Variants in RBM25 observed in about 807,000 individuals in gnomAD.
RBM25 encodes RNA binding motif protein 25.
Under a neutral mutation model 120.7 loss-of-function variants are expected in RBM25, and 19 were observed. The ratio of observed to expected loss-of-function variants is 0.16; its 90% CI spans 0.11 to 0.23. RBM25 has a LOEUF of 0.23. Among genes scored for constraint, RBM25 ranks in the 10% least tolerant of loss-of-function variants. The pLI is 1.00. For synonymous variants in RBM25, 390 were observed against 326.7 expected (o/e 1.19, Z -2.09); for missense variants, 605 against 1,041.5 (o/e 0.58, Z 5.77).
At chr14:73,093,966 T>TC (rs58606282) in intron 6 of RBM25, among the ~76,000 whole-genome samples, 3 of 148,094 alleles carry the variant, frequency 2.0e-5, no homozygotes, top group Admixed American at 2.0e-4. Flanking sequence ...TTTTTTTTTT[T>TC]CTTGAGACAG....
At chr14:73,116,177 G>C (rs886154012) in intron 18 of RBM25, among the ~76,000 whole-genome samples, 1 of 152,142 alleles carries the variant, frequency 6.6e-6, no homozygotes. Flanking sequence ...GGGGCTCTAG[G>C]AGATAGAGGA....
Position 73,076,357 on chromosome 14 carries a change from C to T in RBM25, c.145C>T (p.Pro49Ser), listed in dbSNP as rs1366028439. Residue 49 changes from proline to serine, a missense_variant, in exon 3 of 19, where the codon CCT becomes TCT. Transcript: ENST00000261973. Reference protein sequence around the residue: ...MIPVPMSIMAPAPTVLVPTVS... With the variant: ...MIPVPMSIMASAPTVLVPTVS... The stretch of plus-strand genomic sequence containing the variant: ...TCCTGTACCAATGAGCATTATGGCT[C>T]CTGCTCCAACTGTAAGTATAACTTA... 1.9e-6 allele frequency: 3 copies of T among 1,611,740 alleles called. No individual in the cohort carries two copies. Among genetic ancestry groups the T allele is most frequent in the South Asian group, 1.1e-5 (1 of 91,032 alleles).
chr14:73,064,457 C>T (rs552011751), intron 1 of RBM25, among the ~76,000 whole-genome samples: 10 of 151,378 alleles, frequency 6.6e-5, no homozygotes, highest in South Asian at 6.2e-4. Flanking sequence ...TGCAGTGGCG[C>T]GGTCCCAGCT....
chr14:73,074,027 T>C (rs897303158), intron 2 of RBM25, among the ~76,000 whole-genome samples: 15 of 152,366 alleles, frequency 9.8e-5, no homozygotes, highest in South Asian at 8.3e-4. Context: ...AAGGAAATTC[T>C]ATTGAGAAAA....
rs761714715 is a variant in RBM25, at chr14:73,111,113, C to G, written c.1975C>G (p.Pro659Ala). 4 of 1,613,990 alleles carry G rather than the reference C, an allele frequency of 2.5e-6. No homozygotes were observed. In the Admixed American group the frequency reaches 6.7e-5, roughly 27 times the overall value. Residue 659 changes from proline (P) to alanine (A), a missense_variant, in exon 15 of 19, where the codon CCT (proline) becomes GCT (alanine). This residue lies in a region of RBM25 where 465 missense variants were observed against 741.6 expected (regional missense o/e 0.63). Transcript: ENST00000261973. ...TGAAAACTCACCAGATCAACAGCAA[C>G]CTGAGGAGCATAGGCCAAAAATAGG... The part of the protein sequence containing the change: ...PHENSPDQQQ[P>A]EEHRPKIGLS...
chr14:73,107,096 C>A (rs984656562), intron 12 of RBM25, among the ~76,000 whole-genome samples: 4 of 152,204 alleles, frequency 2.6e-5, no homozygotes, highest in Non-Finnish European at 4.4e-5. Flanking sequence ...CTGCCTTGGC[C>A]TCCCAAAGTG....
rs362419 is a variant in RBM25 at position 73,099,299 on chromosome 14, A to T, written c.730-81A>T. ...GTGTACTGTATTGTTCACGTCATAA[A>T]TGTATAGGGCATTGCTTTGCAGATT... On this transcript the variant is annotated intron_variant, in intron 7 of 18. Transcript: ENST00000261973. 8.7e-4 allele frequency: 1,084 copies of T among 1,242,448 alleles called. 6 individuals are homozygous for T. In the African/African-American group the frequency reaches 0.015, roughly 17 times the overall value. 77.0% of individuals were successfully genotyped at this position (1,242,448 alleles called of 1,614,324 possible). A position where few individuals can be genotyped will look rare whatever the true frequency, so the allele number is the denominator to read the frequency against.
chr14:73,072,877 C>T (rs983753520), intron 2 of RBM25, among the ~76,000 whole-genome samples: 13 of 152,070 alleles, frequency 8.5e-5, no homozygotes, highest in African/African-American at 2.7e-4. Context: ...ATGTATGTTA[C>T]GGGGGTTGTA....
At chr14:73,092,114 T>C (rs950371952) in intron 6 of RBM25, among the ~76,000 whole-genome samples, 9 of 151,986 alleles carry the variant, frequency 5.9e-5, no homozygotes, top group African/African-American at 1.9e-4. Context: ...GCATTCTATC[T>C]GATGTAAAAA....
chr14:73,107,323 C>T (rs1254511992), intron 12 of RBM25: 1 of 153,380 alleles, frequency 6.5e-6, no homozygotes, highest in Non-Finnish European at 1.4e-5. Flanking sequence ...TCTAATGTGA[C>T]CTATACTTAA....
rs750518845 is a variant in RBM25, at chr14:73,103,376, G to A, written c.1052G>A (p.Arg351His). 9 of 1,610,882 alleles carry A rather than the reference G, an allele frequency of 5.6e-6. No individual in the cohort carries two copies. The highest frequency in any genetic ancestry group is 3.4e-5 in the Admixed American group (2 of 59,476). The change falls in exon 10 of 19, where the codon CGT (arginine) becomes CAT (histidine). Residue 351 changes from arginine to histidine, a missense_variant. Around this residue, in one of 4 missense-constraint regions of RBM25, gnomAD observed 465 missense variants for 741.6 expected, o/e 0.63. Transcript: ENST00000261973. ...CGGGAACGAGAACGGGATAGGGACCGTGACCGGACAAAAGAGAGAGACCGA... is the reference window on the plus strand; with the variant it reads ...CGGGAACGAGAACGGGATAGGGACCATGACCGGACAAAAGAGAGAGACCGA... ...RERERERDRD[R>H]DRTKERDRDR...
intron 18 of RBM25, among the ~76,000 whole-genome samples, chr14:73,116,628 GT>G (rs1566603364): frequency 6.6e-6 from 1 of 152,104 alleles, no homozygotes; most frequent in Non-Finnish European, 1.5e-5. Flanking sequence ...TTCCAGCCCC[GT>G]TTTTCTTGGA....
At chr14:73,119,625 T>TG (rs1216356773) in intron 18 of RBM25, 88 bp from the exon 19 acceptor site, 3 of 1,530,932 alleles carry the variant, frequency 2.0e-6, no homozygotes, top group Non-Finnish European at 2.7e-6. Context: ...TGTCAGTGGA[T>TG]GAAAAACTTT....
At chr14:73,088,603 C>G in intron 6 of RBM25, 1 of 334,886 alleles carries the variant, frequency 3.0e-6, no homozygotes, top group Non-Finnish European at 5.9e-6. Flanking sequence ...CCAAGCTCTA[C>G]TAAGTGAAGC....
chr14:73,077,652 A>C (rs560179107), intron 4 of RBM25, 116 bp downstream of exon 4: 2 of 923,526 alleles, frequency 2.2e-6, no homozygotes, highest in Admixed American at 6.0e-5. Context: ...TCAGTCCTGC[A>C]GCAAAGGTGA....
chr14:73,110,281 A>G (rs1294826704), intron 14 of RBM25, among the ~76,000 whole-genome samples: 2 of 151,648 alleles, frequency 1.3e-5, no homozygotes, highest in East Asian at 1.9e-4. Flanking sequence ...CTCCTGGGCA[A>G]GTGGTCCTCA....
At chr14:73,089,509 C>A (rs904839713) in intron 6 of RBM25, among the ~76,000 whole-genome samples, 1 of 151,844 alleles carries the variant, frequency 6.6e-6, no homozygotes, top group African/African-American at 2.4e-5. Context: ...CATCCACCAC[C>A]ACGTTCAGCA....
chr14:73,113,348 A>G (rs561306799), intron 17 of RBM25, among the ~76,000 whole-genome samples: 19 of 151,830 alleles, frequency 1.3e-4, no homozygotes, highest in African/African-American at 4.3e-4. Context: ...TGGCCTCCCA[A>G]AGTGCGGGGA....
At chr14:73,094,340 A>G (rs1432456642) in intron 6 of RBM25, among the ~76,000 whole-genome samples, 1 of 152,072 alleles carries the variant, frequency 6.6e-6, no homozygotes, top group Non-Finnish European at 1.5e-5. Context: ...TTCTTCTAAA[A>G]ATGTGAATTA....
Sources: gnomAD v4.1 joint callset for allele counts (sites outside exome capture counted in the v4.1 genomes callset) on GRCh38, gnomAD v4.1.1 for gene constraint, gnomAD v4.1.1 regional missense constraint, MANE v1.5 for transcripts, NCBI Gene and HGNC (gene_info 2026-07-23, HGNC 2026-07-21) for gene names.